PMF1: variants seen among roughly 807,000 people sequenced by gnomAD.
PMF1 encodes the protein polyamine modulated factor 1.
A neutral mutation model predicts 26.7 loss-of-function variants in PMF1; 21 were observed. The ratio of observed to expected loss-of-function variants is 0.79; its 90% CI spans 0.56 to 1.13. PMF1 has a LOEUF of 1.13. PMF1 is among the 50% of genes most tolerant of loss of function. PMF1 has a pLI of 0.00. For synonymous variants in PMF1, 105 were observed against 101.0 expected (o/e 1.04, Z -0.24); for missense variants, 266 against 254.9 (o/e 1.04, Z -0.30).
chr1:156,213,356 A>G (rs566557949), intron 1 of PMF1, among the ~76,000 whole-genome samples, 180 bp downstream of exon 1: 89 of 152,294 alleles, frequency 5.8e-4, no homozygotes, highest in Middle Eastern at 3.4e-3. Context: ...CGCACTGATA[A>G]CCTGTAGCGG....
chr1:156,223,503 G>A (rs2103093656), intron 1 of PMF1: 1 of 152,278 alleles, frequency 6.6e-6, no homozygotes, highest in South Asian at 2.1e-4. Context: ...CTCTGCCTCA[G>A]CTTCCTCATC....
At chr1:156,213,219 A>T in intron 1 of PMF1, 43 bp downstream of exon 1, 1 of 1,599,888 alleles carries the variant, frequency 6.3e-7, no homozygotes, top group Non-Finnish European at 8.5e-7. Context: ...GTTGGCACCG[A>T]AGCTCAAATC....
At chr1:156,236,751 G>A (rs1443679987) in intron 4 of PMF1, 1 of 494,964 alleles carries the variant, frequency 2.0e-6, no homozygotes, top group East Asian at 3.1e-5. Context: ...AGAGAGGGCA[G>A]GTGAGTCACC....
intron 1 of PMF1, among the ~76,000 whole-genome samples, chr1:156,229,576 GT>G (rs57035472): frequency 0.37 from 54,185 of 147,050 alleles, 9,879 homozygotes; most frequent in African/African-American, 0.41. Context: ...TTTTGTTTTT[GT>G]TTTTTTTTTT....
intron 1 of PMF1, among the ~76,000 whole-genome samples, chr1:156,222,457 A>C (rs535074470): frequency 1.4e-4 from 22 of 151,896 alleles, no homozygotes; most frequent in African/African-American, 5.3e-4. Flanking sequence ...ATCTCAGCTT[A>C]CCTCAACCCC....
At chr1:156,239,453 G>T in intron 4 of PMF1, 95 bp from the exon 5 acceptor site, 1 of 970,656 alleles carries the variant, frequency 1.0e-6, no homozygotes, top group Non-Finnish European at 1.6e-6. Context: ...ATATTGTCCT[G>T]GGGGAAACCC....
chr1:156,221,079 A>G (rs1335391484), intron 1 of PMF1, among the ~76,000 whole-genome samples: 2 of 152,096 alleles, frequency 1.3e-5, no homozygotes, highest in African/African-American at 4.8e-5. Flanking sequence ...TTACCTGACT[A>G]GCTGCTCCTT....
At chr1:156,236,181 A>T (rs1295189847) in intron 3 of PMF1, 107 bp from the exon 4 acceptor site, 13 of 1,484,008 alleles carry the variant, frequency 8.8e-6, no homozygotes. Context: ...AGCCAGCCCA[A>T]CTTGGGACAA....
At chr1:156,238,099 T>C (rs1659142140) in intron 4 of PMF1, among the ~76,000 whole-genome samples, 1 of 152,208 alleles carries the variant, frequency 6.6e-6, no homozygotes, top group Admixed American at 6.5e-5. Context: ...AGTATATGGA[T>C]TTATTTCTGA....
At chr1:156,236,581 A>G in intron 4 of PMF1, 98 bp downstream of exon 4, 3 of 1,453,794 alleles carry the variant, frequency 2.1e-6, no homozygotes, top group Admixed American at 2.2e-5. Context: ...GGGGACCCCC[A>G]CAGGGGGTAG....
At chr1:156,216,359 C>A (rs1657699022) in intron 1 of PMF1, among the ~76,000 whole-genome samples, 1 of 152,146 alleles carries the variant, frequency 6.6e-6, no homozygotes, top group African/African-American at 2.4e-5. Context: ...CCATTGCATT[C>A]TAGCCTGGGC....
intron 1 of PMF1, among the ~76,000 whole-genome samples, chr1:156,226,754 TC>T (rs1202300893): frequency 6.6e-6 from 1 of 152,236 alleles, no homozygotes; most frequent in African/African-American, 2.4e-5. Context: ...AAAGAAGTAG[TC>T]TGAGGTCACT....
At position 156,239,863 on chromosome 1, in the gene PMF1, T is replaced by G; in HGVS notation, c.*262T>G. 2.1e-6 allele frequency: 1 copy of G among 467,492 alleles called. No homozygotes were observed. The highest frequency in any genetic ancestry group is 3.8e-6 in the Non-Finnish European group (1 of 261,356). 29.0% of individuals were successfully genotyped at this position (467,492 alleles called of 1,614,324 possible). A position where few individuals can be genotyped will look rare whatever the true frequency, so the allele number is the denominator to read the frequency against. ...ATTCTTGGCCATGTTCTCTCTTCTC[T>G]AGGTTCAGGTCAGCTCTGCCCCTCC... On this transcript the variant is annotated 3_prime_UTR_variant, in exon 5 of 5. Coordinates refer to ENST00000368277, the MANE Select transcript of PMF1 (RefSeq NM_007221.4).
chr1:156,217,995 C>G (rs1394347382), intron 1 of PMF1, among the ~76,000 whole-genome samples: 1 of 152,196 alleles, frequency 6.6e-6, no homozygotes, highest in African/African-American at 2.4e-5. Flanking sequence ...GATTACTTTC[C>G]AGAAAAGCTG....
chr1:156,213,788 AG>A (rs1373891547), intron 1 of PMF1, among the ~76,000 whole-genome samples: 1 of 152,250 alleles, frequency 6.6e-6, no homozygotes, highest in African/African-American at 2.4e-5. Flanking sequence ...CGCCTAGGAC[AG>A]GACCTGACAC....
chr1:156,225,839 T>G (rs148622886), intron 1 of PMF1, among the ~76,000 whole-genome samples: 1 of 152,342 alleles, frequency 6.6e-6, no homozygotes, highest in East Asian at 1.9e-4. Flanking sequence ...AAGTCAAATT[T>G]ATTTAAATAT....
intron 1 of PMF1, among the ~76,000 whole-genome samples, chr1:156,226,701 T>C (rs1173555971): frequency 1.3e-5 from 2 of 152,254 alleles, no homozygotes; most frequent in Admixed American, 6.5e-5. Flanking sequence ...TAGATAGTTA[T>C]TATCCCCATT....
intron 1 of PMF1, among the ~76,000 whole-genome samples, chr1:156,231,240 AAAAGAATT>A (rs1658687080): frequency 6.7e-6 from 1 of 149,160 alleles, no homozygotes; most frequent in Admixed American, 6.7e-5. Flanking sequence ...AAAAAAAAAA[AAAAGAATT>A]AGCTGGTCAT....
At position 156,228,288 on chromosome 1, in the gene PMF1, T is replaced by TTTTTC. The variant is rs1371074585; in HGVS notation, c.162-4032_162-4031insTTTTC. ...TTTTTTTTTTTTTTTTTTTTTTTTT[T>TTTTTC]AGTGTATCACTTTCCTGCTTCTCCC... is the stretch of plus-strand genomic sequence containing the variant. On this transcript the variant is annotated intron_variant, in intron 1 of 4. Coordinates refer to ENST00000368277, the MANE Select transcript of PMF1 (RefSeq NM_007221.4). 3.5e-4 allele frequency among the ~76,000 whole-genome samples: 51 copies of TTTTTC among 143,878 alleles called. 1 individual carries two copies. The highest frequency in any genetic ancestry group is 6.4e-4 in the Admixed American group (9 of 14,040). The allele number at this position is 143,878 out of a possible 152,430, so 94.4% of individuals were successfully genotyped here.
Sources: gnomAD v4.1 joint callset for allele counts (sites outside exome capture counted in the v4.1 genomes callset) on GRCh38, gnomAD v4.1.1 for gene constraint, MANE v1.5 for transcripts, NCBI Gene and HGNC (gene_info 2026-07-23, HGNC 2026-07-21) for gene names.